Variants in BPNT1 observed in about 807,000 individuals in gnomAD.
BPNT1 encodes 3'(2'),5'-bisphosphate nucleotidase 1.
BPNT1 carries 28 observed loss-of-function variants against 36.9 expected under a neutral mutation model. That is an observed-to-expected ratio of 0.76 (90% CI 0.56 to 1.04). BPNT1 has a LOEUF of 1.04. Ranked by LOEUF, BPNT1 falls within the 50% of genes least tolerant of loss-of-function variation. The pLI is 0.00. For missense variants in BPNT1, 313 were observed against 372.9 expected (o/e 0.84, Z 1.32); for synonymous variants, 119 against 130.9 (o/e 0.91, Z 0.62).
chr1:220,069,063 A>T (rs1383451273), intron 5 of BPNT1, among the ~76,000 whole-genome samples: 1 of 152,114 alleles, frequency 6.6e-6, no homozygotes, highest in African/African-American at 2.4e-5. Flanking sequence ...TGTACTCGTT[A>T]TCGTTTTTCT....
chr1:220,088,096 C>T (rs1571826614), intron 1 of BPNT1, among the ~76,000 whole-genome samples: 2 of 151,928 alleles, frequency 1.3e-5, no homozygotes, highest in East Asian at 2.0e-4. Flanking sequence ...AGGCTGGTCT[C>T]GAACTTCCGA....
rs746254440 is a variant in BPNT1, at chr1:220,072,946, A to C, written c.237T>G (p.Ser79=). ...CAATCAGCTCTTGATCCACTTCCTC[A>C]GAAGGCAGATCCTAAAGCAGAGATA... ...LTIIGEEDLP[S]EEVDQELIED... The change falls in exon 4 of 9, where the codon TCT becomes TCG. Residue 79 remains serine, a synonymous_variant. Coordinates refer to ENST00000322067, the MANE Select transcript of BPNT1 (RefSeq NM_006085.6). 9 of 1,613,916 alleles carry C rather than the reference A, an allele frequency of 5.6e-6. No individual in the cohort carries two copies. Among genetic ancestry groups the C allele is most frequent in the Non-Finnish European group, 7.6e-6 (9 of 1,179,844 alleles).
At chr1:220,074,421 A>G (rs1196268017) in intron 2 of BPNT1, among the ~76,000 whole-genome samples, 2 of 152,198 alleles carry the variant, frequency 1.3e-5, no homozygotes, top group Non-Finnish European at 2.9e-5. Flanking sequence ...GGATCTTTCT[A>G]TAACTTCCAC....
intron 2 of BPNT1, among the ~76,000 whole-genome samples, chr1:220,078,291 C>T (rs1346892660): frequency 7.1e-6 from 1 of 140,320 alleles, no homozygotes; most frequent in Non-Finnish European, 1.5e-5. Context: ...TTACCAAATC[C>T]CAAGGAAGAT....
intron 2 of BPNT1, among the ~76,000 whole-genome samples, chr1:220,078,338 A>C: frequency 6.9e-6 from 1 of 144,686 alleles, no homozygotes. Flanking sequence ...ATAATATATA[A>C]TTAATAATAA....
intron 1 of BPNT1, among the ~76,000 whole-genome samples, chr1:220,087,333 G>A (rs538307167): frequency 6.6e-6 from 1 of 152,248 alleles, no homozygotes; most frequent in African/African-American, 2.4e-5. Context: ...AAGTCGGGCG[G>A]ATGACGAGGT....
chr1:220,072,320 G>A lies in BPNT1; in HGVS notation c.333+530C>T, dbSNP rs185145155. On this transcript the variant is annotated intron_variant, in intron 4 of 8. Transcript: ENST00000322067. ...GGAGGTTGTGGTGAGCCAAGATCGCGGCCCTGTACTCCAGCCTGGTGACAG... is the reference window on the plus strand; with the variant it reads ...GGAGGTTGTGGTGAGCCAAGATCGCAGCCCTGTACTCCAGCCTGGTGACAG... Among the ~76,000 whole-genome samples the A allele has an allele frequency of 2.2e-3, 333 of 151,400 alleles. 3 individuals are homozygous for A. The highest frequency in any genetic ancestry group is 0.021 in the Admixed American group (315 of 15,220).
chr1:220,072,047 G>C (rs978143160), intron 4 of BPNT1, among the ~76,000 whole-genome samples: 4 of 151,428 alleles, frequency 2.6e-5, no homozygotes, highest in African/African-American at 9.7e-5. Flanking sequence ...CATTCAACTG[G>C]GGAAAAAATA....
intron 2 of BPNT1, among the ~76,000 whole-genome samples, chr1:220,079,466 C>T (rs942776004): frequency 1.3e-5 from 2 of 152,000 alleles, no homozygotes; most frequent in African/African-American, 4.8e-5. Context: ...GTTGGCCAGG[C>T]TGGTCTCAAA....
chr1:220,064,877 G>A (rs959715910), intron 6 of BPNT1, among the ~76,000 whole-genome samples: 9 of 151,950 alleles, frequency 5.9e-5, no homozygotes, highest in African/African-American at 1.9e-4. Flanking sequence ...GTGCGATCTC[G>A]GCTCACTGCA....
In BPNT1 at chr1:220,057,698, T is replaced by G; in HGVS notation, c.*1146A>C. 2.1e-6 allele frequency: 1 copy of G among 468,062 alleles called. No homozygotes were observed. The highest frequency in any genetic ancestry group is 3.8e-6 in the Non-Finnish European group (1 of 264,198). 29.0% of individuals were successfully genotyped at this position (468,062 alleles called of 1,614,324 possible). On this transcript the variant is annotated 3_prime_UTR_variant, in exon 9 of 9. Coordinates refer to ENST00000322067, the MANE Select transcript of BPNT1 (RefSeq NM_006085.6). ...CGAGAATGTATAATTTTCAAACACT[T>G]TTTTAAAAAGCTGGTGAATAACAAA...
chr1:220,084,755 A>G (rs950947968), intron 1 of BPNT1, among the ~76,000 whole-genome samples: 2 of 152,234 alleles, frequency 1.3e-5, no homozygotes, highest in Admixed American at 1.3e-4. Flanking sequence ...TCTGTCTACT[A>G]ATTTCCTCAC....
At chr1:220,087,784 C>T (rs1490912819) in intron 1 of BPNT1, among the ~76,000 whole-genome samples, 1 of 151,726 alleles carries the variant, frequency 6.6e-6, no homozygotes, top group Non-Finnish European at 1.5e-5. Context: ...AAAGCACTGG[C>T]CATTAAATAC....
At chr1:220,079,412 C>G (rs1252804712) in intron 2 of BPNT1, among the ~76,000 whole-genome samples, 5 of 152,152 alleles carry the variant, frequency 3.3e-5, no homozygotes, top group Non-Finnish European at 5.9e-5. Context: ...GCCACCACGC[C>G]TGGCTAATTT....
At chr1:220,085,538 G>A (rs963682616) in intron 1 of BPNT1, among the ~76,000 whole-genome samples, 2 of 152,178 alleles carry the variant, frequency 1.3e-5, no homozygotes, top group Admixed American at 1.3e-4. Context: ...TAAAGAAAGC[G>A]CTTTACCTGG....
At chr1:220,062,482 T>G (rs1198587266) in intron 7 of BPNT1, among the ~76,000 whole-genome samples, 2 of 152,160 alleles carry the variant, frequency 1.3e-5, no homozygotes, top group East Asian at 3.9e-4. Flanking sequence ...CTCATCATTT[T>G]TTATGGCTGC....
intron 2 of BPNT1, 112 bp downstream of exon 2, chr1:220,079,615 G>A (rs1159683264): frequency 7.5e-7 from 1 of 1,333,534 alleles, no homozygotes; most frequent in Non-Finnish European, 1.0e-6. Flanking sequence ...GTCTCCCTAA[G>A]GGAGCCATCA....
intron 1 of BPNT1, among the ~76,000 whole-genome samples, chr1:220,082,855 G>C (rs1225107030): frequency 2.0e-5 from 3 of 151,988 alleles, no homozygotes; most frequent in African/African-American, 7.2e-5. Context: ...TTTACATCTT[G>C]TTTCTATCAT....
Position 220,067,380 on chromosome 1 carries a change from A to G in BPNT1, c.396T>C (p.Asn132=). The change falls in exon 6 of 9, where the codon AAT becomes AAC. Residue 132 remains asparagine (N), a synonymous_variant. Coordinates refer to ENST00000322067, the MANE Select transcript of BPNT1 (RefSeq NM_006085.6). ...TKEYTEGLLD[N]VTVLIGIAYE... ...AAGCAATTCCAATAAGAACTGTTAC[A>G]TTGTCAAGAAGACCTGCAAAGAAGA... The G allele has an allele frequency of 6.2e-7, 1 of 1,607,804 alleles. No individual in the cohort carries two copies. The highest frequency in any genetic ancestry group is 8.5e-7 in the Non-Finnish European group (1 of 1,176,534).
Sources: allele counts gnomAD v4.1 joint callset (sites outside exome capture counted in the v4.1 genomes callset), GRCh38; gene constraint gnomAD v4.1.1; transcripts MANE v1.5; gene names NCBI Gene and HGNC (gene_info 2026-07-23, HGNC 2026-07-21).